Variants in MACF1 observed in about 807,000 individuals in gnomAD.
The protein encoded by MACF1 is microtubule actin crosslinking factor 1.
A neutral mutation model predicts 854.8 loss-of-function variants in MACF1; 193 were observed. The ratio of observed to expected loss-of-function variants is 0.23; its 90% CI spans 0.20 to 0.25. The LOEUF (loss-of-function observed/expected upper bound fraction) is 0.25, where lower values mean the gene tolerates loss of function less well. Among genes scored for constraint, MACF1 ranks in the 10% least tolerant of loss-of-function variants. The pLI is 1.00. For synonymous variants in MACF1, 3,185 were observed against 3,226.7 expected (o/e 0.99, Z 0.44); for missense variants, 7,722 against 8,929.1 (o/e 0.86, Z 5.45).
At chr1:39,434,349 CTT>C (rs575632670) in intron 68 of MACF1, 63 bp from the exon 69 acceptor site, 2 of 912,020 alleles carry the variant, frequency 2.2e-6, no homozygotes, top group African/African-American at 3.5e-5. Flanking sequence ...TATATACCTA[CTT>C]TTTTTCTTAA....
chr1:39,241,638 T>G (rs1571213306), intron 2 of MACF1, among the ~76,000 whole-genome samples: 1 of 120,180 alleles, frequency 8.3e-6, no homozygotes, highest in Non-Finnish European at 1.6e-5. Context: ...CCGGCCTGGG[T>G]GACAGAGCGA....
intron 43 of MACF1, among the ~76,000 whole-genome samples, 195 bp downstream of exon 43, chr1:39,351,213 C>T (rs375067103): frequency 6.6e-6 from 1 of 152,116 alleles, no homozygotes; most frequent in Non-Finnish European, 1.5e-5. Flanking sequence ...GTGGCATGAT[C>T]TCGGCTTACT....
chr1:39,234,838 T>G (rs1214625349), intron 2 of MACF1, among the ~76,000 whole-genome samples: 37 of 28,660 alleles, frequency 1.3e-3, no homozygotes, highest in Non-Finnish European at 1.9e-3. Flanking sequence ...GGGTCGCGGC[T>G]GGGCAGAGGT....
chr1:39,376,156 C>T (rs1455746182), intron 52 of MACF1, among the ~76,000 whole-genome samples: 4 of 152,136 alleles, frequency 2.6e-5, no homozygotes, highest in African/African-American at 9.7e-5. Context: ...AGAAAAGCAG[C>T]ATAATTGGTT....
chr1:39,158,436 A>G (rs1034088241), intron 2 of MACF1, among the ~76,000 whole-genome samples: 1 of 152,100 alleles, frequency 6.6e-6, no homozygotes, highest in Non-Finnish European at 1.5e-5. Flanking sequence ...GAGAGTACAG[A>G]GTATTGTTTA....
At chr1:39,212,169 G>C (rs541908856) in intron 1 of MACF1, among the ~76,000 whole-genome samples, 2 of 152,104 alleles carry the variant, frequency 1.3e-5, no homozygotes, top group South Asian at 4.2e-4. Flanking sequence ...GTAGCAGCCA[G>C]ACTTAAACTT....
Position 39,336,548 on chromosome 1 carries a change from G to A in MACF1, c.9960G>A (p.Gln3320=). ...CSAVKTEKTP[Q]EKLRESPGSE... ...CAGTGAAGACAGAGAAGACACCACAGGAAAAGCTCAGAGAAAGCCCTGGCA... is the reference window on the plus strand; with the variant it reads ...CAGTGAAGACAGAGAAGACACCACAAGAAAAGCTCAGAGAAAGCCCTGGCA... Residue 3320 remains glutamine (Q), a synonymous_variant, in exon 37 of 101, where the codon CAG becomes CAA. Coordinates refer to ENST00000564288, the MANE Select transcript of MACF1 (RefSeq NM_001394062.1). The A allele has an allele frequency of 1.9e-6, 3 of 1,614,158 alleles. No individual in the cohort carries two copies. Among genetic ancestry groups the A allele is most frequent in the Non-Finnish European group, 2.5e-6 (3 of 1,180,032 alleles).
intron 2 of MACF1, among the ~76,000 whole-genome samples, chr1:39,247,964 G>A (rs996526859): frequency 1.3e-5 from 2 of 152,222 alleles, no homozygotes; most frequent in Non-Finnish European, 2.9e-5. Flanking sequence ...AGAGGTTGCC[G>A]TGAGCCAAGA....
chr1:39,292,936 C>T (rs1443260654), intron 17 of MACF1, 93 bp downstream of exon 17: 1 of 1,092,836 alleles, frequency 9.2e-7, no homozygotes, highest in Non-Finnish European at 1.3e-6. Flanking sequence ...CCTGGTTTGG[C>T]CCTGTTTTGG....
intron 20 of MACF1, 89 bp from the exon 21 acceptor site, chr1:39,297,531 C>T: frequency 6.6e-7 from 1 of 1,508,694 alleles, no homozygotes; most frequent in South Asian, 1.2e-5. Flanking sequence ...CTTTGCTAAG[C>T]TCTGCACAGT....
At chr1:39,209,204 G>A (rs1392077710) in intron 1 of MACF1, among the ~76,000 whole-genome samples, 1 of 150,876 alleles carries the variant, frequency 6.6e-6, no homozygotes, top group Non-Finnish European at 1.5e-5. Flanking sequence ...TGGGCAACAA[G>A]AGTGAAACTC....
At chr1:39,206,928 A>T (rs1039857732) in intron 1 of MACF1, 3 of 152,090 alleles carry the variant, frequency 2.0e-5, no homozygotes, top group Middle Eastern at 3.2e-3. Flanking sequence ...TTGTACTATT[A>T]ATAAATGTAC....
In MACF1 at chr1:39,485,580, G is replaced by A. The variant is rs749191772; in HGVS notation, c.22454G>A (p.Ser7485Asn). Residue 7485 changes from serine to asparagine, a missense_variant, in exon 101 of 101, where the codon AGT (serine) becomes AAT (asparagine). By Grantham distance (46) the Ser-to-Asn change is conservative. Around this residue, in one of 15 missense-constraint regions of MACF1, gnomAD observed 185 missense variants for 225.7 expected, o/e 0.82. Transcript: ENST00000564288. ...SASRPGSRAG[S>N]RAGSRASSRR... is the part of the protein sequence containing the mutation. ...AGTCGCCCTGGGAGTCGGGCTGGGA[G>A]TCGAGCCGGGAGTCGAGCCAGCAGC... 2 of 1,613,954 alleles carry A rather than the reference G, an allele frequency of 1.2e-6. No individual in the cohort carries two copies. Among genetic ancestry groups the A allele is most frequent in the African/African-American group, 2.7e-5 (2 of 75,024 alleles).
chr1:39,101,642 G>C (rs1182430755), intron 2 of MACF1, among the ~76,000 whole-genome samples: 1 of 151,210 alleles, frequency 6.6e-6, no homozygotes, highest in Non-Finnish European at 1.5e-5. Context: ...GGCTAACACA[G>C]TGAAACCCTT....
intron 62 of MACF1, 119 bp downstream of exon 62, chr1:39,427,733 T>C: frequency 1.8e-6 from 2 of 1,087,830 alleles, no homozygotes; most frequent in Non-Finnish European, 1.3e-6. Context: ...TAAAATATGG[T>C]CAGATTATTA....
intron 93 of MACF1, among the ~76,000 whole-genome samples, chr1:39,463,024 TTTCTC>T (rs1459060375): frequency 6.6e-6 from 1 of 152,216 alleles, no homozygotes; most frequent in Non-Finnish European, 1.5e-5. Flanking sequence ...TATTAGCACT[TTTCTC>T]TGAAGGAGTT....
intron 31 of MACF1, among the ~76,000 whole-genome samples, chr1:39,320,485 A>T (rs950670652): frequency 1.7e-4 from 26 of 152,198 alleles, no homozygotes; most frequent in African/African-American, 5.8e-4. Context: ...AATTTGAAAG[A>T]CTAAAATGTG....
Position 39,441,023 on chromosome 1 carries a change from T to C in MACF1, c.18468T>C (p.Asp6156=). The C allele has an allele frequency of 3.1e-6, 5 of 1,614,202 alleles. No individual in the cohort carries two copies. Among genetic ancestry groups the C allele is most frequent in the South Asian group, 1.1e-5 (1 of 91,088 alleles). Residue 6156 remains aspartate (D), a synonymous_variant, in exon 73 of 101, where the codon GAT becomes GAC. Coordinates refer to ENST00000564288, the MANE Select transcript of MACF1 (RefSeq NM_001394062.1). ...TGTAGACTATTAAGGAAGAGACAGA[T>C]GGTCTGCATGAAGAGCTGGAGTTTA... The part of the protein sequence containing the change: ...EAAETIKEET[D]GLHEELEFIR...
chr1:39,438,038 A>G, intron 71 of MACF1, 30 bp downstream of exon 71: 2 of 1,590,164 alleles, frequency 1.3e-6, no homozygotes, highest in Non-Finnish European at 8.6e-7. Flanking sequence ...ATTTTTAAAA[A>G]TCAACAGAAT....
Sources: allele counts gnomAD v4.1 joint callset (sites outside exome capture counted in the v4.1 genomes callset), GRCh38; gene constraint gnomAD v4.1.1; regional missense constraint gnomAD v4.1.1; transcripts MANE v1.5; gene names NCBI Gene and HGNC (gene_info 2026-07-23, HGNC 2026-07-21).